CMC1: variants seen among roughly 807,000 people sequenced by gnomAD.
The protein encoded by CMC1 is COX assembly mitochondrial protein homolog.
A neutral mutation model predicts 14.1 loss-of-function variants in CMC1; 14 were observed. The observed-to-expected ratio is 0.99, with a 90% confidence interval of 0.66 to 1.55. CMC1 has a LOEUF of 1.55. Among genes scored for constraint, CMC1 ranks in the 40% most tolerant of loss-of-function variants. The pLI is 0.00. For missense variants in CMC1, 127 were observed against 123.8 expected (o/e 1.03, Z -0.12); for synonymous variants, 50 against 38.4 (o/e 1.30, Z -1.12).
intron 3 of CMC1, chr3:28,316,656 AAT>A: frequency 3.2e-6 from 1 of 317,214 alleles, no homozygotes; most frequent in Non-Finnish European, 5.7e-6. Context: ...AGCAGACAAA[AAT>A]ATATGATTTT....
chr3:28,245,913 T>C (rs1245886233), intron 1 of CMC1, among the ~76,000 whole-genome samples: 1 of 152,198 alleles, frequency 6.6e-6, no homozygotes, highest in Non-Finnish European at 1.5e-5. Context: ...ATTGTATGTT[T>C]AATATGTAAA....
chr3:28,297,938 A>G (rs1701828040), intron 2 of CMC1, among the ~76,000 whole-genome samples: 1 of 151,828 alleles, frequency 6.6e-6, no homozygotes, highest in South Asian at 2.1e-4. Flanking sequence ...AGATAGATAC[A>G]TTTATATGCA....
chr3:28,302,825 C>G (rs1282598597), intron 2 of CMC1, among the ~76,000 whole-genome samples: 1 of 152,122 alleles, frequency 6.6e-6, no homozygotes, highest in Non-Finnish European at 1.5e-5. Flanking sequence ...ACTTGCTTCC[C>G]AGGTCTCATT....
intron 2 of CMC1, among the ~76,000 whole-genome samples, chr3:28,278,277 A>G (rs1700698308): frequency 6.6e-6 from 1 of 152,182 alleles, no homozygotes; most frequent in South Asian, 2.1e-4. Context: ...TGGAGAAATT[A>G]TATTATTTTA....
At chr3:28,292,567 A>C (rs965543017) in intron 2 of CMC1, among the ~76,000 whole-genome samples, 4 of 152,146 alleles carry the variant, frequency 2.6e-5, no homozygotes, top group Non-Finnish European at 5.9e-5. Flanking sequence ...TAGTGATGAT[A>C]GTCTCATTCC....
At chr3:28,260,148 G>A (rs971190315) in intron 1 of CMC1, among the ~76,000 whole-genome samples, 4 of 152,004 alleles carry the variant, frequency 2.6e-5, no homozygotes, top group Non-Finnish European at 4.4e-5. Context: ...AACCACCCTT[G>A]CCTCCCTGGA....
At chr3:28,309,600 C>T (rs1392777269) in intron 2 of CMC1, among the ~76,000 whole-genome samples, 1 of 152,052 alleles carries the variant, frequency 6.6e-6, no homozygotes, top group Non-Finnish European at 1.5e-5. Flanking sequence ...ATGTTTTTAG[C>T]CCCTTGGACT....
At position 28,265,560 on chromosome 3, in the gene CMC1, TCTGA is replaced by T. The variant is rs532794138; in HGVS notation, c.109+2183_109+2186del. The stretch of plus-strand genomic sequence containing the variant: ...AAGATACAGGAATTTTAATAAGTGA[TCTGA>T]CTTTCTGCTAAATGCCTAAAACATG... On this transcript the variant is annotated intron_variant, in intron 2 of 3. Coordinates refer to ENST00000466830, the MANE Select transcript of CMC1 (RefSeq NM_182523.2). 4.5e-3 allele frequency among the ~76,000 whole-genome samples: 683 copies of T among 152,312 alleles called. 5 individuals carry two copies. The highest frequency in any genetic ancestry group is 0.015 in the African/African-American group (617 of 41,582).
intron 1 of CMC1, among the ~76,000 whole-genome samples, chr3:28,257,832 G>T (rs892401667): frequency 5.3e-5 from 8 of 151,924 alleles, no homozygotes; most frequent in Admixed American, 2.6e-4. Flanking sequence ...CATTTATCTT[G>T]CATAAGTGAA....
At chr3:28,276,460 T>G (rs1417004151) in intron 2 of CMC1, among the ~76,000 whole-genome samples, 1 of 152,210 alleles carries the variant, frequency 6.6e-6, no homozygotes, top group Non-Finnish European at 1.5e-5. Context: ...TGTCATAGCT[T>G]TTTTACTAAT....
intron 1 of CMC1, among the ~76,000 whole-genome samples, chr3:28,258,248 T>C (rs961784814): frequency 3.3e-5 from 5 of 151,536 alleles, no homozygotes; most frequent in Admixed American, 1.3e-4. Flanking sequence ...GTCTGTGGCA[T>C]GCCTTTTTAA....
intron 2 of CMC1, among the ~76,000 whole-genome samples, chr3:28,311,565 T>A (rs1197800632): frequency 6.6e-6 from 1 of 152,178 alleles, no homozygotes; most frequent in Non-Finnish European, 1.5e-5. Flanking sequence ...GTTCAGACCT[T>A]CCTCCCTGCA....
rs1703206681 is a variant in CMC1 at position 28,322,182 on chromosome 3, ACT to A, written c.*2554_*2555del. Reference sequence around the variant, plus strand: ...ACACTTTAAACTGTCACAGTCACTGACTTTTTAGTATACCTGTTTGATAGCTA... The same window carrying A: ...ACACTTTAAACTGTCACAGTCACTGATTTTAGTATACCTGTTTGATAGCTA... On this transcript the variant is annotated 3_prime_UTR_variant, in exon 4 of 4. Transcript: ENST00000466830. The A allele has an allele frequency of 6.6e-6, 1 of 151,126 alleles. No homozygotes were observed. The highest frequency in any genetic ancestry group is 2.4e-5 in the African/African-American group (1 of 41,254). 9.4% of individuals were successfully genotyped at this position (151,126 alleles called of 1,614,324 possible). A position where few individuals can be genotyped will look rare whatever the true frequency, so the allele number is the denominator to read the frequency against.
At chr3:28,243,788 C>A (rs1000603019) in intron 1 of CMC1, among the ~76,000 whole-genome samples, 6 of 150,598 alleles carry the variant, frequency 4.0e-5, no homozygotes, top group Admixed American at 1.3e-4. Flanking sequence ...GTAGAAAAAA[C>A]AATTAACACC....
chr3:28,310,814 G>A (rs1702599108), intron 2 of CMC1, among the ~76,000 whole-genome samples: 1 of 152,110 alleles, frequency 6.6e-6, no homozygotes, highest in Non-Finnish European at 1.5e-5. Flanking sequence ...AGTGGTTTTG[G>A]GATGAAACTA....
intron 2 of CMC1, among the ~76,000 whole-genome samples, chr3:28,296,750 A>G (rs752034434): frequency 6.6e-6 from 1 of 152,144 alleles, no homozygotes; most frequent in Admixed American, 6.6e-5. Flanking sequence ...TATTTAACAT[A>G]TATTGAATTC....
At chr3:28,312,077 T>C (rs966503269) in intron 2 of CMC1, among the ~76,000 whole-genome samples, 22 of 152,336 alleles carry the variant, frequency 1.4e-4, no homozygotes, top group Non-Finnish European at 2.9e-4. Flanking sequence ...AAACAAGATG[T>C]CCTAATTTTT....
At chr3:28,300,615 C>A (rs533984806) in intron 2 of CMC1, among the ~76,000 whole-genome samples, 1 of 136,990 alleles carries the variant, frequency 7.3e-6, no homozygotes, top group Non-Finnish European at 1.6e-5. Context: ...TCCTTCCTCC[C>A]TCCCTCCCTC....
chr3:28,258,459 A>G (rs1293751688), intron 1 of CMC1, among the ~76,000 whole-genome samples: 1 of 148,454 alleles, frequency 6.7e-6, no homozygotes, highest in Non-Finnish European at 1.5e-5. Flanking sequence ...TTTTGTGGTT[A>G]CTGTGAAGTA....
Sources: gnomAD v4.1 joint callset for allele counts (sites outside exome capture counted in the v4.1 genomes callset) on GRCh38, gnomAD v4.1.1 for gene constraint, MANE v1.5 for transcripts, NCBI Gene and HGNC (gene_info 2026-07-23, HGNC 2026-07-21) for gene names.